The following IL13RA1 variants were observed in gnomAD, a reference collection of about 807,000 sequenced individuals.
IL13RA1 encodes the protein interleukin-13 receptor subunit alpha-1.
In IL13RA1, 14 loss-of-function variants were observed where a neutral mutation model predicts 33.8. The observed-to-expected ratio is 0.41, with a 90% CI of 0.27 to 0.65. The LOEUF is 0.65. Among genes scored for constraint, IL13RA1 ranks in the 30% least tolerant of loss-of-function variants. IL13RA1 has a pLI of 0.28. For missense variants in IL13RA1, 313 were observed against 327.0 expected, an observed-to-expected ratio of 0.96 and a Z score of 0.33; for synonymous variants, 116 against 115.7, an observed-to-expected ratio of 1.00 and a Z score of -0.02.
downstream of IL13RA1, among the ~76,000 whole-genome samples, chrX:118,796,988 G>A (rs747906995): frequency 4.4e-5 from 5 of 112,377 alleles, no homozygotes; most frequent in Non-Finnish European, 7.5e-5. Context: ...AAGAAACCTG[G>A]ATTATCATTT....
At chrX:118,727,935 C>T (rs928265810) in intron 1 of IL13RA1, among the ~76,000 whole-genome samples, 4 of 112,157 alleles carry the variant, frequency 3.6e-5, no homozygotes, top group African/African-American at 6.5e-5. Context: ...CGAGGTGGGA[C>T]CCGGGAGCTG....
At chrX:118,772,674 C>A (rs997599508) in intron 8 of IL13RA1, among the ~76,000 whole-genome samples, 7 of 112,443 alleles carry the variant, frequency 6.2e-5, no homozygotes, top group Non-Finnish European at 1.1e-4. Flanking sequence ...AGACAGAATT[C>A]TTCAGTACCT....
intron 10 of IL13RA1, among the ~76,000 whole-genome samples, chrX:118,786,201 C>T (rs1249932325): frequency 9.1e-6 from 1 of 109,752 alleles, no homozygotes; most frequent in East Asian, 2.9e-4. Flanking sequence ...CCAGCTTGGC[C>T]AACATAGCAA....
At chrX:118,732,736 A>G (rs1043910910) in intron 1 of IL13RA1, among the ~76,000 whole-genome samples, 1 of 111,838 alleles carries the variant, frequency 8.9e-6, no homozygotes, top group Non-Finnish European at 1.9e-5. Context: ...AGATGAACTC[A>G]TCCTTTTTTA....
chrX:118,746,202 CT>C (rs1332123874), intron 2 of IL13RA1, among the ~76,000 whole-genome samples: 1 of 110,890 alleles, frequency 9.0e-6, no homozygotes, highest in African/African-American at 3.3e-5. Flanking sequence ...TCACTGCAGC[CT>C]CCCGCTCCCA....
intron 4 of IL13RA1, among the ~76,000 whole-genome samples, chrX:118,756,632 C>T (rs2017533271): frequency 9.0e-6 from 1 of 111,107 alleles, no homozygotes; most frequent in Non-Finnish European, 1.9e-5. Context: ...TCATAAAAGA[C>T]GAGGATCCAT....
chrX:118,727,696 G>A lies in IL13RA1; in HGVS notation c.58G>A (p.Gly20Arg). 1 of 889,820 alleles carries A rather than the reference G, an allele frequency of 1.1e-6. No individual in the cohort carries two copies. Among genetic ancestry groups the A allele is most frequent in the Non-Finnish European group, 1.4e-6 (1 of 718,257 alleles). 73.3% of individuals were successfully genotyped at this position (889,820 alleles called of 1,213,427 possible). The change falls in exon 1 of 11, where the codon GGG (glycine) becomes AGG (arginine). Residue 20 changes from glycine (G) to arginine (R), a missense_variant. Gly to Arg is a moderately radical substitution (Grantham distance 125, BLOSUM62 -2). Coordinates refer to ENST00000371666, the MANE Select transcript of IL13RA1 (RefSeq NM_001560.3). The stretch of plus-strand genomic sequence containing the variant: ...GGCGCTGCTGCTCTGCGCCGGCGGC[G>A]GGGGCGGGGGCGGGGGCGCCGCGCC... ...LWALLLCAGG[G>R]GGGGGAAPTE... is the part of the protein sequence containing the mutation.
downstream of IL13RA1, among the ~76,000 whole-genome samples, chrX:118,795,883 T>A (rs1434460333): frequency 8.9e-6 from 1 of 112,674 alleles, no homozygotes; most frequent in Non-Finnish European, 1.9e-5. Flanking sequence ...TTTCAGAGAC[T>A]CTGTTTTCTT....
chrX:118,739,493 A>G (rs187723142), intron 1 of IL13RA1, among the ~76,000 whole-genome samples: 1 of 112,462 alleles, frequency 8.9e-6, no homozygotes, highest in East Asian at 2.8e-4. Flanking sequence ...TACTATTACT[A>G]TAATCCTTAA....
At chrX:118,785,462 C>T (rs2017905725) in intron 10 of IL13RA1, among the ~76,000 whole-genome samples, 1 of 111,731 alleles carries the variant, frequency 9.0e-6, no homozygotes, top group Non-Finnish European at 1.9e-5. Flanking sequence ...TTAAAAAATC[C>T]TACTTTTTAA....
intron 8 of IL13RA1, chrX:118,770,488 C>G (rs767340725): frequency 1.4e-5 from 7 of 484,134 alleles, no homozygotes; most frequent in Non-Finnish European, 2.6e-5. Flanking sequence ...CTACGACAAG[C>G]TCAGCCCCAT....
intron 10 of IL13RA1, among the ~76,000 whole-genome samples, chrX:118,787,616 A>G (rs1268410895): frequency 1.8e-5 from 2 of 111,626 alleles, no homozygotes; most frequent in Non-Finnish European, 3.8e-5. Flanking sequence ...TTTCATCTCT[A>G]TCTATGACTG....
intron 2 of IL13RA1, among the ~76,000 whole-genome samples, chrX:118,744,292 A>T (rs2017379495): frequency 2.7e-5 from 3 of 111,982 alleles, no homozygotes; most frequent in East Asian, 2.8e-4. Context: ...AAAGAAATTA[A>T]AAAAAAATTA....
intron 9 of IL13RA1, among the ~76,000 whole-genome samples, chrX:118,774,792 TGTA>T (rs2017764485): frequency 1.8e-5 from 2 of 112,201 alleles, no homozygotes; most frequent in Admixed American, 1.9e-4. Flanking sequence ...TATTTGCTCT[TGTA>T]GTAAATAACT....
At chrX:118,773,317 C>G (rs1475737258) in intron 8 of IL13RA1, among the ~76,000 whole-genome samples, 1 of 111,364 alleles carries the variant, frequency 9.0e-6, no homozygotes, top group Non-Finnish European at 1.9e-5. Flanking sequence ...ATAGGGAAAC[C>G]CCGTCTCTAC....
At chrX:118,761,674 G>C (rs1056207303) in intron 6 of IL13RA1, among the ~76,000 whole-genome samples, 2 of 112,237 alleles carry the variant, frequency 1.8e-5, no homozygotes, top group African/African-American at 6.5e-5. Context: ...AAGTAAATAA[G>C]CAAGCTAATT....
chrX:118,783,790 T>A (rs913158547), intron 10 of IL13RA1, among the ~76,000 whole-genome samples: 3 of 101,156 alleles, frequency 3.0e-5, no homozygotes, highest in African/African-American at 7.4e-5. Flanking sequence ...CCACTATACA[T>A]TCATGCATTT....
chrX:118,794,692 C>G (rs2018014661), downstream of IL13RA1, among the ~76,000 whole-genome samples: 1 of 111,237 alleles, frequency 9.0e-6, no homozygotes, highest in African/African-American at 3.3e-5. Context: ...TCCGGTGTGC[C>G]TATGTTTTCT....
intron 1 of IL13RA1, among the ~76,000 whole-genome samples, chrX:118,734,827 C>T (rs1004408189): frequency 2.7e-5 from 3 of 111,573 alleles, no homozygotes; most frequent in Non-Finnish European, 5.6e-5. Context: ...ATGCTGGCCT[C>T]GTAGAATGAG....
Sources: gnomAD v4.1 joint callset for allele counts (sites outside exome capture counted in the v4.1 genomes callset) on GRCh38, gnomAD v4.1.1 for gene constraint, MANE v1.5 for transcripts, NCBI Gene and HGNC (gene_info 2026-07-23, HGNC 2026-07-21) for gene names.